Variants in ESR1 observed in about 807,000 individuals in gnomAD.
ESR1 encodes estrogen receptor 1.
A neutral mutation model predicts 52.7 loss-of-function variants in ESR1; 12 were observed. That is an observed-to-expected ratio of 0.23 (90% CI 0.15 to 0.37). ESR1 has a LOEUF of 0.37. ESR1 is among the 10% of genes least tolerant of loss of function. ESR1 has a pLI of 1.00. For synonymous variants in ESR1, 305 were observed against 316.8 expected, an observed-to-expected ratio of 0.96 and a Z score of 0.39; for missense variants, 584 against 779.7, an observed-to-expected ratio of 0.75 and a Z score of 2.99.
At chr6:151,726,058 A>T (rs935012403) in intron 2 of ESR1, among the ~76,000 whole-genome samples, 1 of 152,186 alleles carries the variant, frequency 6.6e-6, no homozygotes, top group Admixed American at 6.5e-5. Context: ...TATGCAGGGC[A>T]CGGAAATCAG....
chr6:151,721,206 CATGTTGGAGGTGAG>C (rs1781433277), intron 2 of ESR1, among the ~76,000 whole-genome samples: 1 of 152,160 alleles, frequency 6.6e-6, no homozygotes, highest in Non-Finnish European at 1.5e-5. Flanking sequence ...ACTAATGCAA[CATGTTGGAGGTGAG>C]TCTTCAGGAA....
chr6:151,726,395 A>C (rs917992420), intron 2 of ESR1, among the ~76,000 whole-genome samples: 3 of 151,548 alleles, frequency 2.0e-5, no homozygotes, highest in Non-Finnish European at 4.4e-5. Flanking sequence ...GCAGTGGCGC[A>C]ATCTCGGCTC....
At chr6:152,027,425 T>A (rs1396550723) in intron 5 of ESR1, among the ~76,000 whole-genome samples, 1 of 152,206 alleles carries the variant, frequency 6.6e-6, no homozygotes, top group Non-Finnish European at 1.5e-5. Context: ...CTCTAATCGT[T>A]TTTGGTTGTC....
intron 2 of ESR1, among the ~76,000 whole-genome samples, chr6:151,734,389 T>G (rs1436598756): frequency 2.0e-5 from 3 of 152,182 alleles, no homozygotes; most frequent in Non-Finnish European, 2.9e-5. Context: ...TTGGAGCCTG[T>G]GCCACTGGCT....
intron 4 of ESR1, among the ~76,000 whole-genome samples, chr6:151,988,930 T>A (rs2040765381): frequency 6.6e-6 from 1 of 152,098 alleles, no homozygotes. Context: ...ACTTGGATGA[T>A]AAAGGCACTT....
At chr6:152,081,717 A>G in intron 6 of ESR1, among the ~76,000 whole-genome samples, 1 of 152,074 alleles carries the variant, frequency 6.6e-6, no homozygotes, top group East Asian at 1.9e-4. Flanking sequence ...AACAAAATTG[A>G]TAGACCACTA....
rs150417963 is a variant in ESR1 at position 151,785,963 on chromosome 6, G to A, written c.-70-21880G>A. On this transcript the variant is annotated intron_variant, in intron 2 of 2. Transcript: ENST00000404742. ...TTATGTGGGAGGAAAATCTTGGTGC[G>A]GTAAAGATCACAGCCACCCTGGGGT... Among the ~76,000 whole-genome samples the A allele has an allele frequency of 2.3e-3, 352 of 152,144 alleles. 1 individual carries two copies. The highest frequency in any genetic ancestry group is 8.3e-3 in the African/African-American group (343 of 41,506).
intron 2 of ESR1, among the ~76,000 whole-genome samples, chr6:151,873,916 T>C (rs1791394538): frequency 6.6e-6 from 1 of 152,228 alleles, no homozygotes; most frequent in Admixed American, 6.5e-5. Flanking sequence ...ATAAGGAGAC[T>C]GTAAAGGTAG....
intron 5 of ESR1, among the ~76,000 whole-genome samples, chr6:152,029,370 G>A (rs191518812): frequency 1.2e-3 from 177 of 152,208 alleles, no homozygotes; most frequent in South Asian, 2.7e-3. Flanking sequence ...TCGAACCCAC[G>A]GCAAAGAAGT....
chr6:151,716,211 C>T (rs1232024732), intron 2 of ESR1, among the ~76,000 whole-genome samples: 2 of 152,064 alleles, frequency 1.3e-5, no homozygotes, highest in Admixed American at 1.3e-4. Context: ...AAGCTTTGTC[C>T]CAGAGGGGCA....
chr6:151,825,994 G>A (rs1473051110), intron 1 of ESR1, among the ~76,000 whole-genome samples: 2 of 151,784 alleles, frequency 1.3e-5, no homozygotes, highest in African/African-American at 4.8e-5. Context: ...GCAGGTGGAA[G>A]TGGAGGTGAC....
intron 7 of ESR1, among the ~76,000 whole-genome samples, chr6:152,097,842 T>C (rs984623469): frequency 1.3e-5 from 2 of 152,066 alleles, no homozygotes; most frequent in African/African-American, 4.8e-5. Context: ...GAATTCGCAC[T>C]GAGGGTGTGA....
chr6:151,833,366 G>A (rs1782760286), intron 1 of ESR1, among the ~76,000 whole-genome samples: 1 of 152,118 alleles, frequency 6.6e-6, no homozygotes, highest in Non-Finnish European at 1.5e-5. Flanking sequence ...CTGTGAGTCT[G>A]TAACTAAAGC....
chr6:152,036,297 T>A (rs1463567735), intron 5 of ESR1, among the ~76,000 whole-genome samples: 14 of 152,102 alleles, frequency 9.2e-5, no homozygotes, highest in Admixed American at 9.2e-4. Flanking sequence ...GAGGCGGAGC[T>A]TGCAGTGAGC....
chr6:151,901,555 C>T (rs954230479), intron 3 of ESR1, among the ~76,000 whole-genome samples: 3 of 152,298 alleles, frequency 2.0e-5, no homozygotes, highest in African/African-American at 7.2e-5. Flanking sequence ...CCCAAGGACC[C>T]CTGTGAGACA....
intron 2 of ESR1, among the ~76,000 whole-genome samples, chr6:151,776,587 C>T (rs1475043865): frequency 6.6e-6 from 1 of 152,178 alleles, no homozygotes; most frequent in African/African-American, 2.4e-5. Flanking sequence ...CCTGTAATCC[C>T]AGCACTTTGG....
At chr6:151,952,425 A>G (rs1232891220) in intron 4 of ESR1, among the ~76,000 whole-genome samples, 1 of 152,146 alleles carries the variant, frequency 6.6e-6, no homozygotes, top group East Asian at 1.9e-4. Context: ...TCCCCTTCAC[A>G]TAATGTCTTC....
intron 1 of ESR1, among the ~76,000 whole-genome samples, chr6:151,675,634 C>T (rs555281330): frequency 1.8e-4 from 27 of 152,228 alleles, no homozygotes; most frequent in African/African-American, 6.3e-4. Flanking sequence ...ACAAAAAAGC[C>T]ATCATTTTAG....
At chr6:151,699,264 G>T (rs1161837665) in intron 1 of ESR1, among the ~76,000 whole-genome samples, 1 of 152,122 alleles carries the variant, frequency 6.6e-6, no homozygotes, top group Non-Finnish European at 1.5e-5. Flanking sequence ...GATTTGTACT[G>T]CTACATAGAA....
Sources: gnomAD v4.1 joint callset for allele counts (sites outside exome capture counted in the v4.1 genomes callset) on GRCh38, gnomAD v4.1.1 for gene constraint, MANE v1.5 for transcripts, NCBI Gene and HGNC (gene_info 2026-07-23, HGNC 2026-07-21) for gene names.